Variants in CRIM1 observed in about 807,000 individuals in gnomAD.
CRIM1 encodes cysteine rich transmembrane BMP regulator 1, also known as cysteine-rich motor neuron 1 protein.
A neutral mutation model predicts 116.4 loss-of-function variants in CRIM1; 32 were observed. That is an observed-to-expected ratio of 0.27 (90% confidence interval 0.21 to 0.37). The LOEUF (loss-of-function observed/expected upper bound fraction) is 0.37. CRIM1 is among the 10% of genes least tolerant of loss of function. The pLI, the probability that CRIM1 is intolerant of heterozygous loss-of-function variation, is 1.00. For synonymous variants in CRIM1, 590 were observed against 509.2 expected, an observed-to-expected ratio of 1.16 and a Z score of -2.13; for missense variants, 1,331 against 1,354.8, an observed-to-expected ratio of 0.98 and a Z score of 0.28.
intron 2 of CRIM1, among the ~76,000 whole-genome samples, chr2:36,435,630 T>C (rs1461214126): frequency 6.6e-6 from 1 of 151,436 alleles, no homozygotes; most frequent in Non-Finnish European, 1.5e-5. Flanking sequence ...GCAGTTTTTG[T>C]CATTACTTTC....
chr2:36,420,623 C>G (rs1383384807), intron 2 of CRIM1, among the ~76,000 whole-genome samples: 2 of 152,170 alleles, frequency 1.3e-5, no homozygotes, highest in Non-Finnish European at 2.9e-5. Flanking sequence ...GTGCCTAACT[C>G]TTTTCAAAAG....
At chr2:36,392,900 C>T (rs1008781609) in intron 1 of CRIM1, among the ~76,000 whole-genome samples, 3 of 152,192 alleles carry the variant, frequency 2.0e-5, no homozygotes, top group Admixed American at 2.0e-4. Context: ...CCTGGCTGAA[C>T]ATAGTGGCAG....
At chr2:36,536,814 G>T (rs1341249499) in intron 13 of CRIM1, among the ~76,000 whole-genome samples, 1 of 152,078 alleles carries the variant, frequency 6.6e-6, no homozygotes, top group Non-Finnish European at 1.5e-5. Context: ...GAAAAAAATG[G>T]ATTGCCATGA....
chr2:36,495,482 T>TTA (rs1680521029), intron 7 of CRIM1, among the ~76,000 whole-genome samples: 1 of 146,304 alleles, frequency 6.8e-6, no homozygotes, highest in African/African-American at 2.5e-5. Flanking sequence ...TTTATTTTTT[T>TTA]TTTTTTTTTT....
At chr2:36,486,053 G>A (rs1679794483) in intron 7 of CRIM1, among the ~76,000 whole-genome samples, 1 of 152,068 alleles carries the variant, frequency 6.6e-6, no homozygotes, top group Non-Finnish European at 1.5e-5. Flanking sequence ...GTTGAATATT[G>A]TCATATTTTG....
intron 7 of CRIM1, among the ~76,000 whole-genome samples, chr2:36,486,776 A>T (rs1348776966): frequency 6.6e-6 from 1 of 152,218 alleles, no homozygotes; most frequent in Non-Finnish European, 1.5e-5. Flanking sequence ...CAGAGGCAGG[A>T]AAACATAGTC....
Position 36,464,460 on chromosome 2 carries a change from C to CT in CRIM1, c.870-71dup, listed in dbSNP as rs1156641362. 3.2e-6 allele frequency: 5 copies of CT among 1,567,012 alleles called. No homozygotes were observed. In the East Asian group the frequency reaches 1.1e-4, roughly 35 times the overall value. On this transcript the variant is annotated intron_variant, in intron 4 of 16. Transcript: ENST00000280527. ...AGGTACTTTGCCACAGCCACTGCCA[C>CT]TTTGTTTGTGGTCTCCCGACTTCTA... is the stretch of plus-strand genomic sequence containing the variant.
rs114015917 is a variant in CRIM1 at position 36,471,525 on chromosome 2, G to A, written c.992-5364G>A. On this transcript the variant is annotated intron_variant, in intron 5 of 16. Coordinates refer to ENST00000280527, the MANE Select transcript of CRIM1 (RefSeq NM_016441.3). Reference sequence around the variant, plus strand: ...AAGATTACTATTTACTGAAGGCTCAGATGATCGTTAGCAGTTTTTAGCAAT... The same window carrying A: ...AAGATTACTATTTACTGAAGGCTCAAATGATCGTTAGCAGTTTTTAGCAAT... Among the ~76,000 whole-genome samples, 670 of 152,300 alleles carry A rather than the reference G, an allele frequency of 4.4e-3. 6 individuals carry two copies. Among genetic ancestry groups the A allele is most frequent in the African/African-American group, 0.015 (644 of 41,562 alleles).
Position 36,359,149 on chromosome 2 carries a change from G to C in CRIM1, c.331+2526G>C, listed in dbSNP as rs3821168. Among the ~76,000 whole-genome samples, 887 of 152,204 alleles carry C rather than the reference G, an allele frequency of 5.8e-3. 64 individuals are homozygous for C. In the East Asian group the frequency reaches 0.15, roughly 26 times the overall value. ...GAAGCATGGTTATCATAACTAACAT[G>C]AATAGGAATCAATATATTTTATTCA... is the stretch of plus-strand genomic sequence containing the variant. On this transcript the variant is annotated intron_variant, in intron 1 of 16. Coordinates refer to ENST00000280527, the MANE Select transcript of CRIM1 (RefSeq NM_016441.3).
intron 1 of CRIM1, among the ~76,000 whole-genome samples, chr2:36,364,261 AG>A (rs755936195): frequency 5.3e-5 from 8 of 152,230 alleles, no homozygotes; most frequent in Non-Finnish European, 4.4e-5. Flanking sequence ...CACACTTTTA[AG>A]TAGCACAAAG....
intron 1 of CRIM1, among the ~76,000 whole-genome samples, chr2:36,379,545 G>A: frequency 6.6e-6 from 1 of 152,152 alleles, no homozygotes; most frequent in East Asian, 1.9e-4. Flanking sequence ...CAGAGGTAAT[G>A]TGCAGTCTTC....
intron 1 of CRIM1, among the ~76,000 whole-genome samples, chr2:36,373,080 A>G (rs192278943): frequency 6.6e-6 from 1 of 152,278 alleles, no homozygotes; most frequent in Admixed American, 6.5e-5. Context: ...CTTCTCTAAG[A>G]CTTTATCAGC....
chr2:36,502,725 G>C (rs1300618023), intron 8 of CRIM1, among the ~76,000 whole-genome samples: 1 of 152,164 alleles, frequency 6.6e-6, no homozygotes, highest in South Asian at 2.1e-4. Flanking sequence ...GGAAGCTTTG[G>C]TCCTTCAGCA....
chr2:36,395,117 C>G (rs755574083), intron 1 of CRIM1, among the ~76,000 whole-genome samples: 1 of 143,914 alleles, frequency 6.9e-6, no homozygotes. Flanking sequence ...CTGTTTCAAA[C>G]AATTATCCCC....
chr2:36,442,297 G>T (rs959520066), intron 3 of CRIM1, among the ~76,000 whole-genome samples: 3 of 148,668 alleles, frequency 2.0e-5, no homozygotes, highest in Non-Finnish European at 4.5e-5. Context: ...GTGATCCTTT[G>T]TCCGTCTCTT....
At chr2:36,382,709 C>G (rs1460453321) in intron 1 of CRIM1, among the ~76,000 whole-genome samples, 1 of 152,210 alleles carries the variant, frequency 6.6e-6, no homozygotes, top group Non-Finnish European at 1.5e-5. Flanking sequence ...GCCTGTGTCT[C>G]CTGGCTCAAG....
At chr2:36,460,062 C>G (rs542041682) in intron 4 of CRIM1, among the ~76,000 whole-genome samples, 3 of 152,094 alleles carry the variant, frequency 2.0e-5, no homozygotes, top group East Asian at 3.9e-4. Context: ...TGTACTCAGG[C>G]ACTCAGGTGC....
At chr2:36,446,189 C>T (rs1676229856) in intron 4 of CRIM1, among the ~76,000 whole-genome samples, 1 of 152,158 alleles carries the variant, frequency 6.6e-6, no homozygotes, top group Non-Finnish European at 1.5e-5. Context: ...TCTCCCCTAT[C>T]TTGAAGAATA....
chr2:36,526,204 C>G (rs960145515), intron 13 of CRIM1, among the ~76,000 whole-genome samples: 1 of 151,994 alleles, frequency 6.6e-6, no homozygotes, highest in African/African-American at 2.4e-5. Flanking sequence ...CTCTGGTTTT[C>G]TAAGTAAATA....
Sources: gnomAD v4.1 joint callset for allele counts (sites outside exome capture counted in the v4.1 genomes callset) on GRCh38, gnomAD v4.1.1 for gene constraint, MANE v1.5 for transcripts, NCBI Gene and HGNC (gene_info 2026-07-23, HGNC 2026-07-21) for gene names.